The following UNC13C variants were observed in gnomAD, a reference collection of about 807,000 sequenced individuals.
UNC13C encodes the protein unc-13 homolog C, also known as protein unc-13 homolog C.
Under a neutral mutation model 245.4 loss-of-function variants are expected in UNC13C, and 174 were observed. The ratio of observed to expected loss-of-function variants is 0.71; its 90% CI spans 0.63 to 0.80. UNC13C has a LOEUF of 0.80. Among genes scored for constraint, UNC13C ranks in the 30% least tolerant of loss-of-function variants. The pLI, the probability that UNC13C is intolerant of heterozygous loss-of-function variation, is 0.00. For synonymous variants in UNC13C, 992 were observed against 895.1 expected (o/e 1.11, Z -1.93); for missense variants, 2,829 against 2,602.9 (o/e 1.09, Z -1.89).
intron 10 of UNC13C, among the ~76,000 whole-genome samples, chr15:54,287,918 T>A (rs983670762): frequency 6.6e-6 from 1 of 152,170 alleles, no homozygotes; most frequent in Non-Finnish European, 1.5e-5. Context: ...ATGTAGGTAA[T>A]CTAAAAATTA....
intron 20 of UNC13C, among the ~76,000 whole-genome samples, chr15:54,497,135 G>C (rs28555603): frequency 6.6e-6 from 1 of 151,936 alleles, no homozygotes; most frequent in African/African-American, 2.4e-5. Flanking sequence ...GACACTCTAC[G>C]CTAAACTAAA....
chr15:54,626,936 A>G lies in UNC13C; in HGVS notation c.6468A>G (p.Leu2156=), dbSNP rs750304109. The change falls in exon 33 of 33, where the codon CTA becomes CTG. Residue 2156 remains leucine, a synonymous_variant. Coordinates refer to ENST00000260323, the MANE Select transcript of UNC13C (RefSeq NM_001080534.3). ...TTATCGGAATGACAGTCATTCAGCTACAGAACATAGCAGAAAAGGGAAGCT... is the reference window on the plus strand; with the variant it reads ...TTATCGGAATGACAGTCATTCAGCTGCAGAACATAGCAGAAAAGGGAAGCT... ...DRIIGMTVIQ[L]QNIAEKGSYG... is the part of the protein sequence containing the mutation. 9.9e-6 allele frequency: 16 copies of G among 1,613,404 alleles called. No individual in the cohort carries two copies. The highest frequency in any genetic ancestry group is 1.6e-4 in the Middle Eastern group (1 of 6,082).
intron 17 of UNC13C, among the ~76,000 whole-genome samples, chr15:54,374,151 G>T (rs2039554127): frequency 6.6e-6 from 1 of 152,172 alleles, no homozygotes; most frequent in South Asian, 2.1e-4. Flanking sequence ...TTCAAAAGGA[G>T]GAAGTGTGTT....
chr15:54,036,553 C>T (rs1896585229), intron 2 of UNC13C, among the ~76,000 whole-genome samples: 2 of 152,220 alleles, frequency 1.3e-5, no homozygotes, highest in South Asian at 4.1e-4. Flanking sequence ...AATATAAATT[C>T]ACTCAGCTTT....
intron 17 of UNC13C, among the ~76,000 whole-genome samples, chr15:54,371,280 G>A (rs1043759343): frequency 2.6e-4 from 39 of 152,088 alleles, no homozygotes; most frequent in Non-Finnish European, 4.6e-4. Flanking sequence ...GAAATCATGT[G>A]ATATTTGTTT....
intron 2 of UNC13C, among the ~76,000 whole-genome samples, chr15:54,134,049 C>CGTGTGTGTGT (rs3082223): frequency 9.8e-4 from 146 of 149,580 alleles, no homozygotes; most frequent in African/African-American, 3.1e-3. Context: ...TACTGAGTTA[C>CGTGTGTGTGT]GTGTGTGTGT....
the UNC13C span, among the ~76,000 whole-genome samples, chr15:53,872,284 G>A: frequency 6.6e-6 from 1 of 152,024 alleles, no homozygotes; most frequent in Admixed American, 6.6e-5. Flanking sequence ...GAGTTGGAAA[G>A]GTGAAATGAC....
intron 32 of UNC13C, among the ~76,000 whole-genome samples, chr15:54,625,793 A>G (rs746172687): frequency 9.2e-5 from 14 of 152,130 alleles, no homozygotes; most frequent in African/African-American, 3.4e-4. Context: ...ACATTTCACT[A>G]TCTACTTCAA....
intron 14 of UNC13C, among the ~76,000 whole-genome samples, chr15:54,330,212 C>T (rs898223427): frequency 2.6e-5 from 4 of 151,992 alleles, no homozygotes; most frequent in African/African-American, 9.7e-5. Context: ...ACAGCAAACA[C>T]TAATGTAACA....
Position 54,538,663 on chromosome 15 carries a change from C to A in UNC13C, c.5696+5597C>A, listed in dbSNP as rs1230205672. 5.3e-5 allele frequency among the ~76,000 whole-genome samples: 8 copies of A among 152,084 alleles called. No individual in the cohort carries two copies. The East Asian group carries it at 1.5e-3, about 29-fold the overall frequency. Reference sequence around the variant, plus strand: ...ATATACATCATGGAATACTACACAGCCATAAAAATGAATGAGATCATGACC... The same window carrying A: ...ATATACATCATGGAATACTACACAGACATAAAAATGAATGAGATCATGACC... On this transcript the variant is annotated intron_variant, in intron 26 of 32. Coordinates refer to ENST00000260323, the MANE Select transcript of UNC13C (RefSeq NM_001080534.3).
chr15:54,207,185 A>T (rs536399798), intron 4 of UNC13C, among the ~76,000 whole-genome samples: 1 of 151,956 alleles, frequency 6.6e-6, no homozygotes, highest in South Asian at 2.1e-4. Context: ...GTTGTTCCGA[A>T]CAAAACTCAT....
chr15:54,575,434 C>G (rs1897916780), intron 30 of UNC13C, among the ~76,000 whole-genome samples: 1 of 152,082 alleles, frequency 6.6e-6, no homozygotes, highest in South Asian at 2.1e-4. Flanking sequence ...AATTATATTC[C>G]TCAAACTATA....
intron 7 of UNC13C, among the ~76,000 whole-genome samples, chr15:54,244,544 C>G (rs1202157451): frequency 6.6e-6 from 1 of 152,150 alleles, no homozygotes; most frequent in Non-Finnish European, 1.5e-5. Context: ...GGCATTGAAT[C>G]TATAAATTAC....
intron 19 of UNC13C, among the ~76,000 whole-genome samples, chr15:54,428,375 T>A (rs1247975662): frequency 1.3e-5 from 2 of 151,536 alleles, no homozygotes; most frequent in Non-Finnish European, 3.0e-5. Flanking sequence ...CGCTCTGAAC[T>A]CTTTGTCCTT....
At chr15:54,222,806 C>T (rs890310076) in intron 4 of UNC13C, among the ~76,000 whole-genome samples, 9 of 152,040 alleles carry the variant, frequency 5.9e-5, no homozygotes, top group Admixed American at 5.9e-4. Context: ...GAGGTGATAT[C>T]ACATTGTAAT....
At chr15:54,472,311 C>G (rs1297409794) in intron 19 of UNC13C, among the ~76,000 whole-genome samples, 1 of 151,702 alleles carries the variant, frequency 6.6e-6, no homozygotes, top group Non-Finnish European at 1.5e-5. Flanking sequence ...CATCCATTAA[C>G]CCATTATTTA....
chr15:54,257,409 T>C (rs2036307676), intron 8 of UNC13C, among the ~76,000 whole-genome samples: 1 of 152,254 alleles, frequency 6.6e-6, no homozygotes, highest in Non-Finnish European at 1.5e-5. Context: ...TTCCTGATTT[T>C]GTATTTTCAA....
intron 19 of UNC13C, among the ~76,000 whole-genome samples, chr15:54,434,137 C>A (rs1259519500): frequency 6.6e-6 from 1 of 152,002 alleles, no homozygotes; most frequent in Non-Finnish European, 1.5e-5. Flanking sequence ...GAATCAATAT[C>A]GTGAAAATGG....
At chr15:54,143,162 C>T (rs1029265884) in intron 3 of UNC13C, 122 bp downstream of exon 3, 2 of 952,902 alleles carry the variant, frequency 2.1e-6, no homozygotes, top group East Asian at 2.4e-5. Context: ...GTTATCCCAG[C>T]TTTCCATTAT....
Sources: gnomAD v4.1 joint callset for allele counts (sites outside exome capture counted in the v4.1 genomes callset) on GRCh38, gnomAD v4.1.1 for gene constraint, MANE v1.5 for transcripts, NCBI Gene and HGNC (gene_info 2026-07-23, HGNC 2026-07-21) for gene names.